The following KIF27 variants were observed in gnomAD, a reference collection of about 807,000 sequenced individuals.
The protein encoded by KIF27 is kinesin family member 27.
A neutral mutation model predicts 141.8 loss-of-function variants in KIF27; 84 were observed. The observed-to-expected ratio is 0.59, with a 90% CI of 0.50 to 0.71. The LOEUF is 0.71. Among genes scored for constraint, KIF27 ranks in the 30% least tolerant of loss-of-function variants. KIF27 has a pLI of 0.00. For missense variants in KIF27, 1,306 were observed against 1,628.4 expected (o/e 0.80, Z 3.41); for synonymous variants, 471 against 569.5 (o/e 0.83, Z 2.46).
Position 83,859,313 on chromosome 9 carries a change from A to G in KIF27, c.2993T>C (p.Leu998Ser). The G allele has an allele frequency of 6.2e-7, 1 of 1,614,128 alleles. No individual in the cohort carries two copies. Among genetic ancestry groups the G allele is most frequent in the Admixed American group, 1.7e-5 (1 of 60,018 alleles). Residue 998 changes from leucine (L) to serine (S), a missense_variant, in exon 14 of 18, where the codon TTG becomes TCG. Physicochemically the swap from Leu to Ser is moderately radical, Grantham distance 145. Around this residue, in one of 4 missense-constraint regions of KIF27, gnomAD observed 596 missense variants for 751.6 expected, o/e 0.79. Coordinates refer to ENST00000297814, the MANE Select transcript of KIF27 (RefSeq NM_017576.4). ...STRLNLLEQE[L>S]SEKNVQLQTS... ...CTGGAGCTGCACATTCTTTTCAGAC[A>G]ACTCTTGTTCCAGTAAGTTCAGGCG... is the stretch of plus-strand genomic sequence containing the variant.
At chr9:83,875,000 AT>A (rs1283587115) in intron 11 of KIF27, among the ~76,000 whole-genome samples, 1 of 150,376 alleles carries the variant, frequency 6.6e-6, no homozygotes, top group Admixed American at 6.6e-5. Flanking sequence ...GCAGAGTTGC[AT>A]TTCAGCAGAC....
At chr9:83,870,141 C>CTCTATCTATCTATCTA (rs200694940) in intron 12 of KIF27, among the ~76,000 whole-genome samples, 58 of 151,622 alleles carry the variant, frequency 3.8e-4, no homozygotes, top group African/African-American at 1.1e-3. Context: ...CTATCTATCT[C>CTCTATCTATCTATCTA]TCTATCTATC....
Position 83,870,634 on chromosome 9 carries a change from T to C in KIF27, c.2644-2A>G. ...CTGTCCTGTTTTTAATTGTATTTCCTATAGAAAAAGAAATTGAAAACACCT... is the reference window on the plus strand; with the variant it reads ...CTGTCCTGTTTTTAATTGTATTTCCCATAGAAAAAGAAATTGAAAACACCT... On this transcript the variant is annotated splice_acceptor_variant, in intron 11 of 17. Transcript: ENST00000297814. LOFTEE classifies it high-confidence loss of function. The C allele has an allele frequency of 6.2e-7, 1 of 1,613,318 alleles. No homozygotes were observed. The highest frequency in any genetic ancestry group is 8.5e-7 in the Non-Finnish European group (1 of 1,179,564).
intron 13 of KIF27, among the ~76,000 whole-genome samples, chr9:83,864,980 A>G (rs1950236842): frequency 6.6e-6 from 1 of 152,192 alleles, no homozygotes; most frequent in Non-Finnish European, 1.5e-5. Context: ...CTGTTTTATC[A>G]GAGACTAGGA....
intron 13 of KIF27, among the ~76,000 whole-genome samples, chr9:83,863,005 T>C (rs563787350): frequency 2.0e-5 from 3 of 152,330 alleles, no homozygotes; most frequent in African/African-American, 7.2e-5. Flanking sequence ...AAAATGCTTG[T>C]GATTTTTGCA....
At chr9:83,860,401 G>A (rs1460634836) in intron 13 of KIF27, among the ~76,000 whole-genome samples, 1 of 152,100 alleles carries the variant, frequency 6.6e-6, no homozygotes, top group Non-Finnish European at 1.5e-5. Flanking sequence ...TATGTATTAT[G>A]GGAGATAAGG....
chr9:83,887,176 G>A lies in KIF27; in HGVS notation c.2104C>T (p.Gln702Ter), dbSNP rs779731823. Residue 702 changes from glutamine (Q) to a stop codon, truncating the protein, a stop_gained, in exon 9 of 18, where the codon CAG (glutamine) becomes TAG (stop). Transcript: ENST00000297814. LOFTEE classifies it high-confidence loss of function. ...ENEDLKIDCLQESQELNLQKL... is the reference protein window; with the variant it reads ...ENEDLKIDCL ...TGCAAATTCAATTCTTGACTCTCCT[G>A]GAGACAATCAATCTTTAAATCTTTA... is the stretch of plus-strand genomic sequence containing the variant. The A allele has an allele frequency of 8.5e-6, 13 of 1,531,456 alleles. No homozygotes were observed. Among genetic ancestry groups the A allele is most frequent in the South Asian group, 1.3e-5 (1 of 79,668 alleles). 94.9% of individuals were successfully genotyped at this position (1,531,456 alleles called of 1,614,324 possible). A position where few individuals can be genotyped will look rare whatever the true frequency, so the allele number is the denominator to read the frequency against.
intron 12 of KIF27, 31 bp downstream of exon 12, chr9:83,870,488 A>T: frequency 6.2e-7 from 1 of 1,612,312 alleles, no homozygotes; most frequent in South Asian, 1.1e-5. Flanking sequence ...ATTGAAGAGA[A>T]ACCAGGAAAC....
intron 4 of KIF27, among the ~76,000 whole-genome samples, chr9:83,902,185 TAGAG>T (rs1322221679): frequency 1.3e-4 from 20 of 152,138 alleles, no homozygotes; most frequent in African/African-American, 4.1e-4. Context: ...TCTAGCTAGA[TAGAG>T]AAATAAGCTT....
At chr9:83,851,071 C>T (rs1383090575) in intron 15 of KIF27, among the ~76,000 whole-genome samples, 2 of 151,132 alleles carry the variant, frequency 1.3e-5, no homozygotes, top group African/African-American at 2.4e-5. Context: ...CTCCTGACCT[C>T]GTGATCTTCC....
At chr9:83,849,562 T>C (rs1275695797) in intron 16 of KIF27, 1 of 154,162 alleles carries the variant, frequency 6.5e-6, no homozygotes, top group African/African-American at 2.4e-5. Context: ...TCTATCAGAG[T>C]TGGTGGTGAA....
At chr9:83,855,965 T>C (rs1373051724) in intron 14 of KIF27, among the ~76,000 whole-genome samples, 1 of 152,216 alleles carries the variant, frequency 6.6e-6, no homozygotes, top group Non-Finnish European at 1.5e-5. Context: ...GGCTGCAGCA[T>C]ATCAGTGTTT....
At chr9:83,860,434 C>G (rs1186036261) in intron 13 of KIF27, among the ~76,000 whole-genome samples, 1 of 152,184 alleles carries the variant, frequency 6.6e-6, no homozygotes, top group Non-Finnish European at 1.5e-5. Context: ...TGTACCTACT[C>G]TACTTCCCAA....
chr9:83,899,349 A>G (rs1350771009), intron 5 of KIF27, among the ~76,000 whole-genome samples: 1 of 152,240 alleles, frequency 6.6e-6, no homozygotes, highest in Non-Finnish European at 1.5e-5. Flanking sequence ...ACTCCTAACA[A>G]TATTGCATTT....
In KIF27 at chr9:83,903,880, A is replaced by G; in HGVS notation, c.638T>C (p.Ile213Thr). ...HSSRSHAIFT[I>T]SICQVHKNME... is the part of the protein sequence containing the mutation. Reference sequence around the variant, plus strand: ...ATTTTTATGAACTTGACAAATGCTGATTGTAAAAATTGCATGTGATCTGCT... The same window carrying G: ...ATTTTTATGAACTTGACAAATGCTGGTTGTAAAAATTGCATGTGATCTGCT... Residue 213 changes from isoleucine to threonine, a missense_variant, in exon 4 of 18, where the codon ATC (isoleucine) becomes ACC (threonine). By Grantham distance (89) the Ile-to-Thr change is moderately conservative (BLOSUM62 -1). Around this residue, in one of 4 missense-constraint regions of KIF27, gnomAD observed 533 missense variants for 565.6 expected, o/e 0.94. Transcript: ENST00000297814. 6.2e-7 allele frequency: 1 copy of G among 1,614,080 alleles called. No individual in the cohort carries two copies. The highest frequency in any genetic ancestry group is 8.5e-7 in the Non-Finnish European group (1 of 1,180,002).
chr9:83,917,161 T>C (rs1955786693), intron 1 of KIF27, among the ~76,000 whole-genome samples: 1 of 150,906 alleles, frequency 6.6e-6, no homozygotes, highest in African/African-American at 2.4e-5. Context: ...AGCCCCAATG[T>C]GTGATGTTCC....
intron 5 of KIF27, among the ~76,000 whole-genome samples, chr9:83,892,469 A>C (rs1407995478): frequency 6.6e-6 from 1 of 152,166 alleles, no homozygotes; most frequent in Non-Finnish European, 1.5e-5. Context: ...TTAGTGGAGA[A>C]AACAACAGAA....
intron 7 of KIF27, among the ~76,000 whole-genome samples, chr9:83,888,829 A>C (rs1367661398): frequency 6.6e-6 from 1 of 151,584 alleles, no homozygotes; most frequent in Non-Finnish European, 1.5e-5. Context: ...AAAAAAAAAA[A>C]AAAAAAAACC....
intron 6 of KIF27, among the ~76,000 whole-genome samples, chr9:83,890,863 T>C (rs1952610155): frequency 6.6e-6 from 1 of 152,238 alleles, no homozygotes; most frequent in South Asian, 2.1e-4. Context: ...TTTATATTGA[T>C]ATTTATATTG....
Sources: gnomAD v4.1 joint callset for allele counts (sites outside exome capture counted in the v4.1 genomes callset) on GRCh38, gnomAD v4.1.1 for gene constraint, gnomAD v4.1.1 regional missense constraint, MANE v1.5 for transcripts, NCBI Gene and HGNC (gene_info 2026-07-23, HGNC 2026-07-21) for gene names.